Variants in MYO3A observed in about 807,000 individuals in gnomAD.
MYO3A encodes myosin IIIA.
MYO3A carries 180 observed loss-of-function variants against 192.7 expected under a neutral mutation model. That is an observed-to-expected ratio of 0.93 (90% CI 0.83 to 1.06). The LOEUF (loss-of-function observed/expected upper bound fraction) is 1.06, where lower values mean the gene tolerates loss of function less well. MYO3A is among the 50% of genes least tolerant of loss of function. The pLI, the probability that MYO3A is intolerant of heterozygous loss-of-function variation, is 0.00. For missense variants in MYO3A, 1,896 were observed against 1,905.0 expected, an observed-to-expected ratio of 1.00 and a Z score of 0.09; for synonymous variants, 628 against 645.3, an observed-to-expected ratio of 0.97 and a Z score of 0.41.
chr10:25,948,040 G>A (rs937681240), intron 2 of MYO3A, among the ~76,000 whole-genome samples: 1 of 152,164 alleles, frequency 6.6e-6, no homozygotes, highest in Non-Finnish European at 1.5e-5. Flanking sequence ...GTAAGACTGG[G>A]ATTGTAAGTA....
intron 10 of MYO3A, among the ~76,000 whole-genome samples, chr10:26,056,597 A>G (rs887916939): frequency 6.6e-6 from 1 of 152,230 alleles, no homozygotes; most frequent in African/African-American, 2.4e-5. Context: ...AACAGAATGT[A>G]GAGAGCTTTA....
intron 31 of MYO3A, among the ~76,000 whole-genome samples, chr10:26,190,535 A>G (rs1328495781): frequency 6.6e-6 from 1 of 152,186 alleles, no homozygotes; most frequent in Non-Finnish European, 1.5e-5. Context: ...ACCTGAGGAG[A>G]GGATGATTCA....
intron 20 of MYO3A, among the ~76,000 whole-genome samples, chr10:26,129,086 G>A (rs1023136323): frequency 2.0e-5 from 3 of 152,086 alleles, no homozygotes; most frequent in South Asian, 2.1e-4. Flanking sequence ...TTGATGTACT[G>A]TAATACTAAG....
At chr10:25,982,678 A>G (rs1286207443) in intron 4 of MYO3A, among the ~76,000 whole-genome samples, 1 of 152,174 alleles carries the variant, frequency 6.6e-6, no homozygotes, top group Non-Finnish European at 1.5e-5. Flanking sequence ...GGGTGGCTGG[A>G]AACAGAAGAG....
intron 15 of MYO3A, among the ~76,000 whole-genome samples, chr10:26,089,621 A>T (rs1836571158): frequency 6.6e-6 from 1 of 151,702 alleles, no homozygotes; most frequent in Non-Finnish European, 1.5e-5. Context: ...AAATGGAAGG[A>T]ATGATTATTA....
At chr10:26,014,630 TA>T (rs920637224) in intron 6 of MYO3A, among the ~76,000 whole-genome samples, 50 of 152,210 alleles carry the variant, frequency 3.3e-4, no homozygotes, top group African/African-American at 1.2e-3. Flanking sequence ...TTGGATGACC[TA>T]AAATAGCCAT....
At chr10:26,088,076 C>T in intron 14 of MYO3A, 127 bp from the exon 15 acceptor site, 1 of 742,124 alleles carries the variant, frequency 1.3e-6, no homozygotes, top group Non-Finnish European at 2.1e-6. Flanking sequence ...TAACATCTGC[C>T]AATATATCAG....
intron 14 of MYO3A, among the ~76,000 whole-genome samples, chr10:26,072,091 G>T (rs1835242081): frequency 6.6e-6 from 1 of 152,046 alleles, no homozygotes; most frequent in South Asian, 2.1e-4. Context: ...GGAGGAACTT[G>T]CCCAACACTT....
intron 10 of MYO3A, among the ~76,000 whole-genome samples, chr10:26,037,771 G>A (rs1843117778): frequency 6.6e-6 from 1 of 152,134 alleles, no homozygotes. Flanking sequence ...CATGGTGGAA[G>A]GGCGAAAGGG....
chr10:25,952,376 G>A, intron 3 of MYO3A, 98 bp downstream of exon 3: 1 of 1,261,628 alleles, frequency 7.9e-7, no homozygotes, highest in Non-Finnish European at 1.1e-6. Context: ...CACAATAGCA[G>A]TCTAAAACAG....
chr10:26,184,133 G>T (rs922094339), intron 31 of MYO3A, among the ~76,000 whole-genome samples: 6 of 152,176 alleles, frequency 3.9e-5, no homozygotes, highest in African/African-American at 9.7e-5. Context: ...GACTCCTTTG[G>T]AACTGTCCTG....
intron 4 of MYO3A, among the ~76,000 whole-genome samples, chr10:25,993,462 A>G (rs527564492): frequency 5.7e-4 from 87 of 152,226 alleles, no homozygotes; most frequent in East Asian, 2.5e-3. Context: ...TCAAAAAACC[A>G]GCTCCTGGAT....
Position 25,952,088 on chromosome 10 carries a change from C to A in MYO3A, c.-17-6C>A. The stretch of plus-strand genomic sequence containing the variant: ...CTGTAGATGAAACTGTACTTCTTAT[C>A]TCCAGGTTTTTAAACCTTTGAGATG... On this transcript the variant is annotated splice_region_variant and splice_polypyrimidine_tract_variant and intron_variant, in intron 2 of 34. Coordinates refer to ENST00000642920, the MANE Select transcript of MYO3A (RefSeq NM_017433.5). 6.3e-7 allele frequency: 1 copy of A among 1,593,728 alleles called. No homozygotes were observed. Among genetic ancestry groups the A allele is most frequent in the South Asian group, 1.1e-5 (1 of 90,212 alleles).
In MYO3A at chr10:26,205,608, C is replaced by CTTT. The variant is rs576007724; in HGVS notation, c.4730+2525_4730+2527dup. Among the ~76,000 whole-genome samples, 473 of 68,612 alleles carry CTTT rather than the reference C, an allele frequency of 6.9e-3. 4 individuals are homozygous for CTTT. The highest frequency in any genetic ancestry group is 0.011 in the Middle Eastern group (1 of 92). 45.0% of individuals were successfully genotyped at this position (68,612 alleles called of 152,430 possible). ...AAAATGGCAGGATTTCTTTTCTTTT[C>CTTT]TTTTTTTTTTTTTTTTTTTTTTTTT... On this transcript the variant is annotated intron_variant, in intron 34 of 34. Coordinates refer to ENST00000642920, the MANE Select transcript of MYO3A (RefSeq NM_017433.5).
chr10:26,004,526 G>C (rs1841058774), intron 6 of MYO3A, among the ~76,000 whole-genome samples: 1 of 152,036 alleles, frequency 6.6e-6, no homozygotes, highest in Admixed American at 6.6e-5. Context: ...TCCACTAACA[G>C]GGTATTAAGA....
chr10:25,996,646 A>C, intron 5 of MYO3A, 52 bp downstream of exon 5: 1 of 1,438,380 alleles, frequency 7.0e-7, no homozygotes, highest in Non-Finnish European at 9.7e-7. Context: ...TTCCAGTTAA[A>C]AAATGTAGAT....
intron 4 of MYO3A, among the ~76,000 whole-genome samples, chr10:25,979,499 G>A (rs1839177021): frequency 6.9e-6 from 1 of 144,118 alleles, no homozygotes; most frequent in Non-Finnish European, 1.5e-5. Flanking sequence ...GTACTTCTGT[G>A]TTCCAGAAGA....
At position 26,143,473 on chromosome 10, in the gene MYO3A, A is replaced by C. The variant is rs1330537365; in HGVS notation, c.2288A>C (p.Asp763Ala). The C allele has an allele frequency of 6.2e-7, 1 of 1,612,844 alleles. No individual in the cohort carries two copies. Among genetic ancestry groups the C allele is most frequent in the South Asian group, 1.1e-5 (1 of 91,038 alleles). The change falls in exon 21 of 35, where the codon GAT (aspartate) becomes GCT (alanine). Residue 763 changes from aspartate to alanine, a missense_variant. Physicochemically the swap from Asp to Ala is moderately radical, Grantham distance 126. Coordinates refer to ENST00000642920, the MANE Select transcript of MYO3A (RefSeq NM_017433.5). ...AATGAATACCTAAATGAAGATGTGGATGCTAGAGTTATTGAATATGAGGAT... is the reference window on the plus strand; with the variant it reads ...AATGAATACCTAAATGAAGATGTGGCTGCTAGAGTTATTGAATATGAGGAT... ...EQNEYLNEDV[D>A]ARVIEYEDNW...
At position 26,173,748 on chromosome 10, in the gene MYO3A, T is replaced by C. The variant is rs757687173; in HGVS notation, c.3484T>C (p.Ser1162Pro). The change falls in exon 30 of 35, where the codon TCT (serine) becomes CCT (proline). Residue 1162 changes from serine (S) to proline (P), a missense_variant. By Grantham distance (74) the Ser-to-Pro change is moderately conservative. Transcript: ENST00000642920. ...ISAPNNKGSV[S>P]VVKTSTFKPE... Reference sequence around the variant, plus strand: ...AGCTCCAAATAATAAAGGAAGTGTATCTGTAGTGAAGACTTCCACTTTCAA... The same window carrying C: ...AGCTCCAAATAATAAAGGAAGTGTACCTGTAGTGAAGACTTCCACTTTCAA... The C allele has an allele frequency of 4.3e-6, 7 of 1,613,814 alleles. No homozygotes were observed. Among genetic ancestry groups the C allele is most frequent in the South Asian group, 2.2e-5 (2 of 91,074 alleles).
Sources: allele counts gnomAD v4.1 joint callset (sites outside exome capture counted in the v4.1 genomes callset), GRCh38; gene constraint gnomAD v4.1.1; transcripts MANE v1.5; gene names NCBI Gene and HGNC (gene_info 2026-07-23, HGNC 2026-07-21).